Variants in GK observed in about 807,000 individuals in gnomAD.
GK encodes the protein ATP:glycerol 3-phosphotransferase.
GK carries 9 observed loss-of-function variants against 56.4 expected under a neutral mutation model. The ratio of observed to expected loss-of-function variants is 0.16; its 90% CI spans 0.10 to 0.28. The LOEUF is 0.28. Ranked by LOEUF, GK falls within the 10% of genes least tolerant of loss-of-function variation. GK has a pLI of 1.00. For synonymous variants in GK, 104 were observed against 144.1 expected (o/e 0.72, Z 1.99); for missense variants, 161 against 431.4 (o/e 0.37, Z 5.55).
intron 19 of GK, 140 bp from the exon 20 acceptor site, chrX:30,727,326 C>A (rs1426411293): frequency 4.3e-6 from 2 of 468,381 alleles, no homozygotes; most frequent in Non-Finnish European, 7.5e-6. Flanking sequence ...AGTAATAACT[C>A]TTTGCTAGCT....
chrX:30,698,052 G>A (rs750039283), intron 9 of GK, among the ~76,000 whole-genome samples: 1 of 111,606 alleles, frequency 9.0e-6, no homozygotes, highest in Non-Finnish European at 1.9e-5. Flanking sequence ...AGGGCAATTA[G>A]ATAGATACAG....
rs750230176 is a variant in GK at position 30,697,765 on chromosome X, G to A, written c.747+16G>A. ...TCATAGCGTGGTGAGTAGGTTGCCCGCCAATTATGTACCCATTCATTTGGA... is the reference window on the plus strand; with the variant it reads ...TCATAGCGTGGTGAGTAGGTTGCCCACCAATTATGTACCCATTCATTTGGA... On this transcript the variant is annotated intron_variant, in intron 9 of 20. Transcript: ENST00000427190. 3 of 1,131,114 alleles carry A rather than the reference G, an allele frequency of 2.7e-6. No individual in the cohort carries two copies. Among genetic ancestry groups the A allele is most frequent in the South Asian group, 1.8e-5 (1 of 54,933 alleles). The allele number at this position is 1,131,114 out of a possible 1,213,427, so 93.2% of individuals were successfully genotyped here. A position where few individuals can be genotyped will look rare whatever the true frequency, so the allele number is the denominator to read the frequency against.
intron 4 of GK, among the ~76,000 whole-genome samples, chrX:30,690,716 C>T (rs1020132434): frequency 9.0e-6 from 1 of 111,711 alleles, no homozygotes; most frequent in Non-Finnish European, 1.9e-5. Flanking sequence ...AAGATGCACA[C>T]TTTATATATG....
At chrX:30,720,472 A>C in intron 16 of GK, 149 bp from the exon 17 acceptor site, 1 of 549,287 alleles carries the variant, frequency 1.8e-6, no homozygotes, top group South Asian at 2.7e-5. Context: ...TGACCAGATC[A>C]AAGAGGGCTT....
intron 1 of GK, among the ~76,000 whole-genome samples, chrX:30,663,618 C>A (rs779961024): frequency 1.8e-5 from 2 of 110,514 alleles, no homozygotes; most frequent in East Asian, 5.6e-4. Flanking sequence ...CAGAATTTGC[C>A]CTCTTGCTTT....
At position 30,701,946 on chromosome X, in the gene GK, T is replaced by A. The variant is rs773810461; in HGVS notation, c.851+1041T>A. Among the ~76,000 whole-genome samples, 4 of 112,400 alleles carry A rather than the reference T, an allele frequency of 3.6e-5. No homozygotes were observed. The East Asian group carries it at 8.3e-4, about 23-fold the overall frequency. ...AGATCTCAAGGCCATGCCTTCTGAG[T>A]CTGAATCTGGCACTCTTTCTTTCTG... On this transcript the variant is annotated intron_variant, in intron 11 of 20. Transcript: ENST00000427190.
chrX:30,659,050 CAG>C (rs977234190), intron 1 of GK, among the ~76,000 whole-genome samples: 4 of 112,110 alleles, frequency 3.6e-5, no homozygotes, highest in African/African-American at 1.3e-4. Context: ...CTTTTTGAGA[CAG>C]AGTTTCACTC....
chrX:30,711,224 C>T (rs1367334404), intron 13 of GK, among the ~76,000 whole-genome samples: 3 of 108,110 alleles, frequency 2.8e-5, no homozygotes, highest in East Asian at 2.9e-4. Flanking sequence ...GTTTTGCCCT[C>T]ACTCTGAGGA....
At chrX:30,663,291 A>T (rs760243526) in intron 1 of GK, among the ~76,000 whole-genome samples, 69 of 112,287 alleles carry the variant, frequency 6.1e-4, no homozygotes, top group Non-Finnish European at 1.2e-3. Context: ...GTTTTTCTGC[A>T]CATAAGTGTT....
At chrX:30,671,518 T>G (rs1601883055) in intron 3 of GK, 3 of 111,826 alleles carry the variant, frequency 2.7e-5, no homozygotes, top group South Asian at 3.7e-4. Flanking sequence ...ATTTCTTGTG[T>G]GGCAAGTAAA....
intron 1 of GK, among the ~76,000 whole-genome samples, chrX:30,658,475 C>T (rs978179299): frequency 8.9e-6 from 1 of 111,742 alleles, no homozygotes; most frequent in Non-Finnish European, 1.9e-5. Flanking sequence ...GCCACCATGC[C>T]CAGCTAATTT....
At chrX:30,712,556 C>CT (rs199710389) in intron 13 of GK, among the ~76,000 whole-genome samples, 67 of 103,425 alleles carry the variant, frequency 6.5e-4, no homozygotes, top group Non-Finnish European at 1.1e-3. Flanking sequence ...TTTCAGTTCT[C>CT]TTTTTTTTTT....
chrX:30,655,305 A>G (rs1932177662), intron 1 of GK, among the ~76,000 whole-genome samples: 1 of 112,380 alleles, frequency 8.9e-6, no homozygotes, highest in Non-Finnish European at 1.9e-5. Flanking sequence ...CTTAAGAAAG[A>G]CCATTAAGAC....
chrX:30,681,679 A>T (rs2147174743), intron 4 of GK, among the ~76,000 whole-genome samples: 1 of 111,834 alleles, frequency 8.9e-6, no homozygotes, highest in South Asian at 3.7e-4. Flanking sequence ...ATGAAGATAT[A>T]AAGTTTTGAA....
intron 1 of GK, among the ~76,000 whole-genome samples, chrX:30,659,034 C>T (rs113133015): frequency 0.053 from 5,945 of 111,922 alleles, 173 homozygotes; most frequent in Non-Finnish European, 0.077. Flanking sequence ...TTCTTTCTTT[C>T]TTTTCCTTTT....
intron 1 of GK, among the ~76,000 whole-genome samples, chrX:30,662,075 A>T (rs1346745631): frequency 2.7e-5 from 3 of 112,136 alleles, no homozygotes; most frequent in Non-Finnish European, 3.8e-5. Flanking sequence ...CTTCATGTCC[A>T]GTACAATAGC....
chrX:30,692,628 A>G (rs1367489295), intron 5 of GK, among the ~76,000 whole-genome samples: 1 of 109,638 alleles, frequency 9.1e-6, no homozygotes, highest in Non-Finnish European at 1.9e-5. Flanking sequence ...ACAGGCAAGC[A>G]CCACCAAGCC....
At chrX:30,658,004 C>T (rs1932426565) in intron 1 of GK, among the ~76,000 whole-genome samples, 1 of 112,003 alleles carries the variant, frequency 8.9e-6, no homozygotes, top group African/African-American at 3.2e-5. Context: ...AGGCAGGGCT[C>T]AGGTGTGTCA....
At chrX:30,680,545 G>A (rs892797418) in intron 4 of GK, among the ~76,000 whole-genome samples, 1 of 111,845 alleles carries the variant, frequency 8.9e-6, no homozygotes, top group Non-Finnish European at 1.9e-5. Flanking sequence ...ATCCCATGAT[G>A]GTGGAATGGG....
Sources: gnomAD v4.1 joint callset for allele counts (sites outside exome capture counted in the v4.1 genomes callset) on GRCh38, gnomAD v4.1.1 for gene constraint, MANE v1.5 for transcripts, NCBI Gene and HGNC (gene_info 2026-07-23, HGNC 2026-07-21) for gene names.